Variants in RAI14 observed in about 807,000 individuals in gnomAD.
RAI14 encodes ankycorbin.
RAI14 carries 45 observed loss-of-function variants against 115.4 expected under a neutral mutation model. The ratio of observed to expected loss-of-function variants is 0.39; its 90% CI spans 0.31 to 0.50. RAI14 has a LOEUF of 0.50. Among genes scored for constraint, RAI14 ranks in the 20% least tolerant of loss-of-function variants. The pLI is 0.85. For missense variants in RAI14, 939 were observed against 1,131.2 expected (o/e 0.83, Z 2.44); for synonymous variants, 371 against 415.4 (o/e 0.89, Z 1.30).
At chr5:34,679,519 A>T (rs1744237561) in intron 1 of RAI14, among the ~76,000 whole-genome samples, 1 of 151,054 alleles carries the variant, frequency 6.6e-6, no homozygotes, top group African/African-American at 2.5e-5. Flanking sequence ...TTGTGGGGGG[A>T]ATCCCTGGCT....
At chr5:34,687,678 G>A (rs1738020351) in intron 2 of RAI14, 1 of 1,551,576 alleles carries the variant, frequency 6.4e-7, no homozygotes, top group Non-Finnish European at 8.7e-7. Context: ...GAGCAGAGTT[G>A]TGGAGTGGGA....
intron 3 of RAI14, among the ~76,000 whole-genome samples, chr5:34,785,560 G>T (rs1027218539): frequency 1.3e-4 from 20 of 152,142 alleles, no homozygotes; most frequent in African/African-American, 4.8e-4. Context: ...ACCAACTCCA[G>T]CTATGTTAAA....
chr5:34,816,565 G>T (rs114022078), intron 12 of RAI14, among the ~76,000 whole-genome samples: 9,994 of 152,162 alleles, frequency 0.066, 350 homozygotes, highest in Middle Eastern at 0.075. Context: ...AATATACTGA[G>T]AAATTGTACT....
At chr5:34,773,503 A>G (rs1184153380) in intron 3 of RAI14, among the ~76,000 whole-genome samples, 1 of 152,228 alleles carries the variant, frequency 6.6e-6, no homozygotes, top group African/African-American at 2.4e-5. Context: ...TTTGCAAACT[A>G]TTCATCAAGG....
intron 1 of RAI14, among the ~76,000 whole-genome samples, chr5:34,668,393 C>CA (rs34952152): frequency 0.017 from 2,035 of 121,196 alleles, 29 homozygotes; most frequent in African/African-American, 0.038. Flanking sequence ...GACTCTGTCT[C>CA]AAAAAAAAAA....
chr5:34,814,770 A>G, intron 12 of RAI14, 101 bp downstream of exon 12: 1 of 952,716 alleles, frequency 1.0e-6, no homozygotes, highest in African/African-American at 1.6e-5. Context: ...ATACTTCTGA[A>G]TCATTGGTTC....
chr5:34,698,968 A>C (rs1343060544), intron 2 of RAI14, among the ~76,000 whole-genome samples: 3 of 152,104 alleles, frequency 2.0e-5, no homozygotes, highest in Non-Finnish European at 4.4e-5. Context: ...TACACCAAGG[A>C]AAGTCTCTCC....
chr5:34,726,589 C>A (rs57011547), intron 2 of RAI14, among the ~76,000 whole-genome samples: 319 of 152,254 alleles, frequency 2.1e-3, no homozygotes, highest in African/African-American at 7.5e-3. Context: ...AACCATATCA[C>A]CCTGTGATAC....
At chr5:34,794,724 G>A (rs1753305161) in intron 3 of RAI14, among the ~76,000 whole-genome samples, 1 of 152,128 alleles carries the variant, frequency 6.6e-6, no homozygotes, top group Admixed American at 6.5e-5. Flanking sequence ...ATTATGTTAT[G>A]GCTGATTTGC....
intron 6 of RAI14, 49 bp downstream of exon 6, chr5:34,807,906 C>T (rs748367299): frequency 1.4e-6 from 2 of 1,465,250 alleles, no homozygotes; most frequent in Non-Finnish European, 1.9e-6. Flanking sequence ...GAAACACCAA[C>T]TTTTCTTTTT....
In RAI14 at chr5:34,742,500, A is replaced by G. The variant is rs542893676; in HGVS notation, c.37-14968A>G. Among the ~76,000 whole-genome samples the G allele has an allele frequency of 5.9e-5, 9 of 152,244 alleles. No homozygotes were observed. In the South Asian group the frequency reaches 1.2e-3, roughly 21 times the overall value. On this transcript the variant is annotated intron_variant, in intron 2 of 17. Transcript: ENST00000265109. ...AGCCTTGAGCCATATTCTTTGAGAA[A>G]CATTGCGGTAAACAATTGCTTTTTT...
intron 8 of RAI14, 143 bp from the exon 9 acceptor site, chr5:34,811,624 C>T: frequency 1.5e-6 from 1 of 663,788 alleles, no homozygotes; most frequent in East Asian, 3.1e-5. Flanking sequence ...GATTGCATTC[C>T]ACTTCGAATT....
At chr5:34,730,493 T>G (rs376297591) in intron 2 of RAI14, among the ~76,000 whole-genome samples, 3 of 151,760 alleles carry the variant, frequency 2.0e-5, no homozygotes, top group South Asian at 2.1e-4. Context: ...CTGGTCAACA[T>G]GGCGAAACCC....
rs115689659 is a variant in RAI14 at position 34,739,107 on chromosome 5, C to A, written c.37-18361C>A. ...GAAAAAGAAGCGCTATTCAAAATAACGGAGTGGAATTTCCCATGGGTCTTT... is the reference window on the plus strand; with the variant it reads ...GAAAAAGAAGCGCTATTCAAAATAAAGGAGTGGAATTTCCCATGGGTCTTT... On this transcript the variant is annotated intron_variant, in intron 2 of 17. Transcript: ENST00000265109. Among the ~76,000 whole-genome samples, 4 of 152,184 alleles carry A rather than the reference C, an allele frequency of 2.6e-5. No individual in the cohort carries two copies. In the East Asian group the frequency reaches 5.8e-4, roughly 22 times the overall value.
chr5:34,729,212 A>G (rs1054329796), intron 2 of RAI14, among the ~76,000 whole-genome samples: 2 of 151,914 alleles, frequency 1.3e-5, no homozygotes, highest in African/African-American at 2.4e-5. Context: ...AGCCAGGGGT[A>G]GTGGCACACA....
chr5:34,776,803 T>TCTCAAAAAAAAAAAACAACAA (rs1279080501), intron 3 of RAI14, among the ~76,000 whole-genome samples: 2 of 144,874 alleles, frequency 1.4e-5, no homozygotes, highest in Non-Finnish European at 3.1e-5. Flanking sequence ...TGAGACCCTT[T>TCTCAAAAAAAAAAAACAACAA]ATTAAAAAAA....
In RAI14 at chr5:34,823,892, C is replaced by T. The variant is rs747195848; in HGVS notation, c.2050C>T (p.Leu684=). ...EYIHKAEHEK[L]MQLTNVSRAK... is the part of the protein sequence containing the mutation. ...TATCCATAAAGCAGAGCATGAGAAA[C>T]TGATGCAATTGACAAACGTGTCCAG... is the stretch of plus-strand genomic sequence containing the variant. The change falls in exon 15 of 18, where the codon CTG becomes TTG. Residue 684 remains leucine (L), a synonymous_variant. Transcript: ENST00000265109. This position sits in a 1 kb window ranked among gnomAD's most constrained non-coding sequence, Gnocchi z 4.5. 1 of 1,614,154 alleles carries T rather than the reference C, an allele frequency of 6.2e-7. No individual in the cohort carries two copies. The highest frequency in any genetic ancestry group is 2.2e-5 in the East Asian group (1 of 44,880).
chr5:34,784,378 T>C (rs932884050), intron 3 of RAI14, among the ~76,000 whole-genome samples: 1 of 152,222 alleles, frequency 6.6e-6, no homozygotes, highest in Non-Finnish European at 1.5e-5. Flanking sequence ...ATCCAATTAG[T>C]TAATTTCAAA....
chr5:34,721,291 GTATA>G (rs10538679), intron 2 of RAI14, among the ~76,000 whole-genome samples: 32,295 of 130,942 alleles, frequency 0.25, 4,038 homozygotes, highest in Non-Finnish European at 0.26. Context: ...ATGTAGATGT[GTATA>G]TATATATATA....
Sources: gnomAD v4.1 joint callset for allele counts (sites outside exome capture counted in the v4.1 genomes callset) on GRCh38, gnomAD v4.1.1 for gene constraint, Gnocchi (gnomAD v3.1) non-coding constraint, MANE v1.5 for transcripts, NCBI Gene and HGNC (gene_info 2026-07-23, HGNC 2026-07-21) for gene names.